NEURL1: variants seen among roughly 807,000 people sequenced by gnomAD.
NEURL1 encodes the protein neuralized E3 ubiquitin protein ligase 1, also known as E3 ubiquitin-protein ligase NEURL1.
In NEURL1, 26 loss-of-function variants were observed where a neutral mutation model predicts 41.2. The ratio of observed to expected loss-of-function variants is 0.63; its 90% CI spans 0.46 to 0.87. The LOEUF (loss-of-function observed/expected upper bound fraction) is 0.87. Among genes scored for constraint, NEURL1 ranks in the 40% least tolerant of loss-of-function variants. The pLI is 0.00. For missense variants in NEURL1, 761 were observed against 871.1 expected, an observed-to-expected ratio of 0.87 and a Z score of 1.59; for synonymous variants, 400 against 402.3, an observed-to-expected ratio of 0.99 and a Z score of 0.07.
chr10:103,512,483 C>A (rs1465465685), intron 1 of NEURL1, among the ~76,000 whole-genome samples: 1 of 152,174 alleles, frequency 6.6e-6, no homozygotes, highest in Non-Finnish European at 1.5e-5. Context: ...TCTGTCCCTC[C>A]AAGTAGTTTA....
At chr10:103,539,725 A>G (rs1015654525) in intron 1 of NEURL1, among the ~76,000 whole-genome samples, 2 of 152,238 alleles carry the variant, frequency 1.3e-5, no homozygotes, top group Non-Finnish European at 2.9e-5. Flanking sequence ...CAATGTGTCC[A>G]ATGAAAAGAC....
Position 103,545,113 on chromosome 10 carries a change from G to A in NEURL1, c.86-25759G>A, listed in dbSNP as rs1336627967. ...AGGAAGGCGGCGGCAATGAGCCACG[G>A]ATGAATGTGCAAATTGTGAGATGGG... On this transcript the variant is annotated intron_variant, in intron 1 of 5. Transcript: ENST00000369780. This position sits in a 1 kb window ranked among gnomAD's most constrained non-coding sequence, Gnocchi z 4.5. Among the ~76,000 whole-genome samples, 1 of 152,252 alleles carries A rather than the reference G, an allele frequency of 6.6e-6. No homozygotes were observed.
intron 1 of NEURL1, among the ~76,000 whole-genome samples, chr10:103,512,683 G>C (rs1230537946): frequency 6.6e-6 from 1 of 152,178 alleles, no homozygotes; most frequent in Non-Finnish European, 1.5e-5. Context: ...AGTTTCCCCA[G>C]CGCCCGCAGG....
At chr10:103,532,745 T>A (rs1224259349) in intron 1 of NEURL1, among the ~76,000 whole-genome samples, 1 of 152,016 alleles carries the variant, frequency 6.6e-6, no homozygotes, top group African/African-American at 2.4e-5. Context: ...TTTCTGTATC[T>A]TTGACTTTTT....
intron 1 of NEURL1, among the ~76,000 whole-genome samples, chr10:103,503,808 T>TTTTG (rs2033881147): frequency 6.8e-6 from 1 of 146,724 alleles, no homozygotes; most frequent in African/African-American, 2.5e-5. Context: ...TTTTTTTTTT[T>TTTTG]GAGACAGGGT....
At position 103,592,209 on chromosome 10, in the gene NEURL1, C is replaced by T. The variant is rs1038391151; in HGVS notation, c.*1837C>T. ...AAATGGTTGTTTCGGGAGAGAGGGG[C>T]AGGCTTTCTGTGTGACTCGGGAGTT... On this transcript the variant is annotated 3_prime_UTR_variant, in exon 6 of 6. Transcript: ENST00000369780. The surrounding 1 kb of genome is among the most constrained non-coding windows in gnomAD (Gnocchi z 4.8). 1.3e-5 allele frequency: 2 copies of T among 152,364 alleles called. No homozygotes were observed. The highest frequency in any genetic ancestry group is 4.8e-5 in the African/African-American group (2 of 41,480). The allele number at this position is 152,364 out of a possible 1,614,324, so 9.4% of individuals were successfully genotyped here.
At chr10:103,581,494 A>C (rs1035663518) in intron 3 of NEURL1, among the ~76,000 whole-genome samples, 2 of 152,298 alleles carry the variant, frequency 1.3e-5, no homozygotes, top group South Asian at 4.1e-4. Flanking sequence ...AAGAGGCCCC[A>C]AGAAGTTCAG....
chr10:103,526,843 G>A (rs533802666), intron 1 of NEURL1, among the ~76,000 whole-genome samples: 2 of 151,700 alleles, frequency 1.3e-5, no homozygotes, highest in Non-Finnish European at 2.9e-5. Context: ...TGAATGCCAG[G>A]TTATAGCGAC....
chr10:103,536,305 A>C (rs538192704), intron 1 of NEURL1, among the ~76,000 whole-genome samples: 1 of 152,186 alleles, frequency 6.6e-6, no homozygotes, highest in Non-Finnish European at 1.5e-5. Flanking sequence ...GCGCTTTGGG[A>C]GGCTGAGGCG....
chr10:103,521,444 C>T (rs913883520), intron 1 of NEURL1, among the ~76,000 whole-genome samples: 13 of 152,202 alleles, frequency 8.5e-5, no homozygotes, highest in East Asian at 1.9e-4. Context: ...CAGTCCTGGG[C>T]GGGGGCAAAT....
At chr10:103,552,208 A>T (rs2035045565) in intron 1 of NEURL1, among the ~76,000 whole-genome samples, 1 of 152,214 alleles carries the variant, frequency 6.6e-6, no homozygotes. Context: ...ACCAGATAGG[A>T]CAGTGACTTT....
intron 1 of NEURL1, among the ~76,000 whole-genome samples, chr10:103,563,327 A>G (rs2035346451): frequency 6.6e-6 from 1 of 152,222 alleles, no homozygotes; most frequent in Non-Finnish European, 1.5e-5. Flanking sequence ...TTCATTTTAC[A>G]GAGAAATAAA....
chr10:103,568,808 TG>T (rs2035478977), intron 1 of NEURL1, among the ~76,000 whole-genome samples: 1 of 144,676 alleles, frequency 6.9e-6, no homozygotes, highest in East Asian at 2.0e-4. Context: ...TGTCTTGTTT[TG>T]TTTTTTGTTT....
At chr10:103,528,280 G>A (rs566894808) in intron 1 of NEURL1, among the ~76,000 whole-genome samples, 18 of 152,272 alleles carry the variant, frequency 1.2e-4, no homozygotes, top group African/African-American at 3.6e-4. Context: ...ACCTGAACCC[G>A]GTAGGCGGAT....
intron 1 of NEURL1, among the ~76,000 whole-genome samples, chr10:103,557,001 T>C (rs2035170721): frequency 1.3e-5 from 2 of 152,204 alleles, no homozygotes; most frequent in South Asian, 4.1e-4. Context: ...GAGCACAGGC[T>C]CCCTAGAGGG....
intron 2 of NEURL1, 53 bp from the exon 3 acceptor site, chr10:103,571,448 G>T (rs1444758098): frequency 7.8e-6 from 12 of 1,538,664 alleles, no homozygotes; most frequent in Non-Finnish European, 9.6e-6. Flanking sequence ...GCTGCCCTTG[G>T]TCTGATTGAC....
At chr10:103,515,792 C>T (rs1054946559) in intron 1 of NEURL1, among the ~76,000 whole-genome samples, 1 of 152,156 alleles carries the variant, frequency 6.6e-6, no homozygotes, top group African/African-American at 2.4e-5. Flanking sequence ...ATCGTGCTGG[C>T]TACCCTGTGG....
chr10:103,499,099 A>T (rs1471007921), intron 1 of NEURL1, among the ~76,000 whole-genome samples: 1 of 152,188 alleles, frequency 6.6e-6, no homozygotes, highest in Non-Finnish European at 1.5e-5. Context: ...CTTGAATTGG[A>T]TACTTCACAA....
rs750253227 is a variant in NEURL1 at position 103,589,694 on chromosome 10, C to A, written c.1486+34C>A. ...GCTGGCTCCTCTGTTCCTTGGTGAC[C>A]ATGTGGGACTGCAGCAAGGATGCAG... On this transcript the variant is annotated intron_variant, in intron 5 of 5. Transcript: ENST00000369780. 15 of 1,583,304 alleles carry A rather than the reference C, an allele frequency of 9.5e-6. No homozygotes were observed. In the South Asian group the frequency reaches 1.6e-4, roughly 17 times the overall value.
Sources: gnomAD v4.1 joint callset for allele counts (sites outside exome capture counted in the v4.1 genomes callset) on GRCh38, gnomAD v4.1.1 for gene constraint, Gnocchi (gnomAD v3.1) non-coding constraint, MANE v1.5 for transcripts, NCBI Gene and HGNC (gene_info 2026-07-23, HGNC 2026-07-21) for gene names.